The following GASK1B variants were observed in gnomAD, a reference collection of about 807,000 sequenced individuals.
The protein encoded by GASK1B is Golgi-associated kinase 1B.
Under a neutral mutation model 42.8 loss-of-function variants are expected in GASK1B, and 34 were observed. That is an observed-to-expected ratio of 0.79 (90% CI 0.60 to 1.06). The LOEUF is 1.06. GASK1B is among the 50% of genes least tolerant of loss of function. The pLI is 0.00. For missense variants in GASK1B, 686 were observed against 661.0 expected (o/e 1.04, Z -0.42); for synonymous variants, 262 against 259.1 (o/e 1.01, Z -0.11).
intron 2 of GASK1B, among the ~76,000 whole-genome samples, chr4:158,163,309 G>A (rs570521237): frequency 3.9e-5 from 6 of 152,278 alleles, no homozygotes; most frequent in African/African-American, 7.2e-5. Flanking sequence ...AGTGGCTCAC[G>A]CCTGTAATCC....
At chr4:158,136,394 TTA>T (rs1730893260) in intron 3 of GASK1B, among the ~76,000 whole-genome samples, 1 of 152,132 alleles carries the variant, frequency 6.6e-6, no homozygotes, top group African/African-American at 2.4e-5. Flanking sequence ...TAAAAATTTT[TTA>T]TGTGTCTGCA....
At chr4:158,172,179 T>C (rs1485216427) in intron 1 of GASK1B, 7 of 151,936 alleles carry the variant, frequency 4.6e-5, no homozygotes, top group African/African-American at 1.7e-4. Flanking sequence ...TCTTTCTCTC[T>C]CTCTCACACA....
Position 158,126,510 on chromosome 4 carries a change from T to G in GASK1B, c.*897A>C, listed in dbSNP as rs1730459644. 1.3e-5 allele frequency: 2 copies of G among 152,102 alleles called. No individual in the cohort carries two copies. The highest frequency in any genetic ancestry group is 2.9e-5 in the Non-Finnish European group (2 of 67,986). The allele number at this position is 152,102 out of a possible 1,614,324, so 9.4% of individuals were successfully genotyped here. Reference sequence around the variant, plus strand: ...TTAAATATAAGTACATAGAACAAATTTTAAGGAATTCACTATTATTAATAA... The same window carrying G: ...TTAAATATAAGTACATAGAACAAATGTTAAGGAATTCACTATTATTAATAA... On this transcript the variant is annotated 3_prime_UTR_variant, in exon 5 of 5. Coordinates refer to ENST00000585682, the MANE Select transcript of GASK1B (RefSeq NM_001128424.2).
At chr4:158,145,679 C>T (rs1487946048) in intron 3 of GASK1B, among the ~76,000 whole-genome samples, 1 of 152,146 alleles carries the variant, frequency 6.6e-6, no homozygotes, top group Non-Finnish European at 1.5e-5. Flanking sequence ...CTGCTATATT[C>T]TGCTGTGATT....
rs6830702 is a variant in GASK1B at position 158,155,674 on chromosome 4, C to T, written c.1062G>A (p.Ser354=). Residue 354 remains serine, a synonymous_variant, in exon 3 of 5, where the codon TCG becomes TCA. Transcript: ENST00000585682. ...CATGATGATGTATTTCAGTACAACC[C>T]GATTCAGGCTTGGGTACTCGGCCAT... ...WQNGRVPKPE[S]GCTEIHHHEW... is the part of the protein sequence containing the mutation. The T allele has an allele frequency of 0.84, 1,352,193 of 1,613,598 alleles. 570,476 individuals carry two copies. The highest frequency in any genetic ancestry group is 0.96 in the East Asian group (42,965 of 44,858).
At chr4:158,135,971 T>G (rs1278034683) in intron 3 of GASK1B, among the ~76,000 whole-genome samples, 2 of 152,148 alleles carry the variant, frequency 1.3e-5, no homozygotes, top group Non-Finnish European at 2.9e-5. Context: ...TTTAAAAAAA[T>G]GATTAATCAT....
At chr4:158,151,935 C>T (rs1665840689) in intron 3 of GASK1B, among the ~76,000 whole-genome samples, 1 of 152,142 alleles carries the variant, frequency 6.6e-6, no homozygotes, top group South Asian at 2.1e-4. Context: ...GACCCACCCT[C>T]AATCTGGGTG....
intron 2 of GASK1B, among the ~76,000 whole-genome samples, chr4:158,166,863 C>T (rs941127187): frequency 6.6e-6 from 1 of 152,064 alleles, no homozygotes; most frequent in Non-Finnish European, 1.5e-5. Context: ...ACCTTAGGGC[C>T]CCCTAAAGGA....
chr4:158,170,321 G>A (rs748307483), intron 2 of GASK1B, 145 bp downstream of exon 2: 3 of 1,614,098 alleles, frequency 1.9e-6, no homozygotes, highest in East Asian at 2.2e-5. Flanking sequence ...AATGCCAAGC[G>A]CATGGAAAGA....
intron 3 of GASK1B, among the ~76,000 whole-genome samples, chr4:158,149,776 T>C (rs1314145740): frequency 1.3e-5 from 2 of 152,136 alleles, no homozygotes; most frequent in African/African-American, 4.8e-5. Flanking sequence ...GTTATACAAC[T>C]ATGGCTAAAA....
At chr4:158,162,536 A>C (rs1441469985) in intron 2 of GASK1B, among the ~76,000 whole-genome samples, 2 of 152,194 alleles carry the variant, frequency 1.3e-5, no homozygotes, top group Non-Finnish European at 2.9e-5. Flanking sequence ...CACTGTCTTC[A>C]CTCAATACGA....
At chr4:158,154,242 A>G (rs932655637) in intron 3 of GASK1B, among the ~76,000 whole-genome samples, 1 of 152,180 alleles carries the variant, frequency 6.6e-6, no homozygotes, top group Non-Finnish European at 1.5e-5. Flanking sequence ...TAAGATATAC[A>G]AATGGTCAAC....
At chr4:158,144,169 C>G (rs1579023026) in intron 3 of GASK1B, among the ~76,000 whole-genome samples, 1 of 152,040 alleles carries the variant, frequency 6.6e-6, no homozygotes, top group African/African-American at 2.4e-5. Flanking sequence ...CAATAAATAC[C>G]AAGTTTTCTG....
intron 3 of GASK1B, among the ~76,000 whole-genome samples, chr4:158,143,246 A>T (rs1282738657): frequency 6.6e-6 from 1 of 152,180 alleles, no homozygotes; most frequent in Admixed American, 6.5e-5. Flanking sequence ...TGAGCTGATA[A>T]TTGTTGAAGT....
intron 4 of GASK1B, among the ~76,000 whole-genome samples, chr4:158,127,956 C>A (rs1310447647): frequency 1.3e-5 from 2 of 152,112 alleles, no homozygotes; most frequent in East Asian, 3.9e-4. Context: ...CCTGTGGAAA[C>A]CCCTTTAATC....
intron 3 of GASK1B, among the ~76,000 whole-genome samples, chr4:158,150,252 A>T (rs1731506620): frequency 6.6e-6 from 1 of 152,132 alleles, no homozygotes; most frequent in Non-Finnish European, 1.5e-5. Context: ...GAGTGTTAGC[A>T]CACCAGAGAA....
intron 3 of GASK1B, among the ~76,000 whole-genome samples, chr4:158,142,689 G>T (rs1344658355): frequency 6.6e-6 from 1 of 152,138 alleles, no homozygotes; most frequent in Non-Finnish European, 1.5e-5. Context: ...AACCAGATAT[G>T]ATGTCTTCTG....
At chr4:158,149,635 C>A (rs1256475914) in intron 3 of GASK1B, among the ~76,000 whole-genome samples, 1 of 152,180 alleles carries the variant, frequency 6.6e-6, no homozygotes, top group Non-Finnish European at 1.5e-5. Flanking sequence ...TTACCACTCC[C>A]CAAACATTTG....
chr4:158,167,837 C>T (rs1732286262), intron 2 of GASK1B, among the ~76,000 whole-genome samples: 1 of 152,154 alleles, frequency 6.6e-6, no homozygotes, highest in South Asian at 2.1e-4. Context: ...AAGTCAAACT[C>T]TGACCAACAG....
Sources: allele counts gnomAD v4.1 joint callset (sites outside exome capture counted in the v4.1 genomes callset), GRCh38; gene constraint gnomAD v4.1.1; transcripts MANE v1.5; gene names NCBI Gene and HGNC (gene_info 2026-07-23, HGNC 2026-07-21).